The following DNAH7 variants were observed in gnomAD, a reference collection of about 807,000 sequenced individuals.
DNAH7 encodes the protein axonemal beta dynein heavy chain 7.
A neutral mutation model predicts 444.6 loss-of-function variants in DNAH7; 397 were observed. The observed-to-expected ratio is 0.89, with a 90% CI of 0.82 to 0.97. The LOEUF (loss-of-function observed/expected upper bound fraction) is 0.97. Among genes scored for constraint, DNAH7 ranks in the 50% least tolerant of loss-of-function variants. The pLI is 0.00. For synonymous variants in DNAH7, 1,636 were observed against 1,624.4 expected, an observed-to-expected ratio of 1.01 and a Z score of -0.17; for missense variants, 4,902 against 4,800.8, an observed-to-expected ratio of 1.02 and a Z score of -0.62.
chr2:195,827,980 G>C (rs1697862762), intron 48 of DNAH7, among the ~76,000 whole-genome samples: 1 of 152,056 alleles, frequency 6.6e-6, no homozygotes, highest in Non-Finnish European at 1.5e-5. Context: ...TATATAATTG[G>C]TACTTGATAT....
chr2:195,760,576 A>G (rs1470581356), intron 61 of DNAH7, among the ~76,000 whole-genome samples: 1 of 152,078 alleles, frequency 6.6e-6, no homozygotes. Context: ...CTCAGCAGAG[A>G]GAGAGAGAGT....
At chr2:195,954,179 C>G (rs530386505) in intron 19 of DNAH7, among the ~76,000 whole-genome samples, 2 of 147,916 alleles carry the variant, frequency 1.4e-5, no homozygotes, top group African/African-American at 5.3e-5. Context: ...CCTCCCCACT[C>G]TCCCCACCCC....
rs532725644 is a variant in DNAH7, at chr2:195,961,943, G to A, written c.2206-998C>T. Among the ~76,000 whole-genome samples the A allele has an allele frequency of 4.6e-5, 7 of 152,148 alleles. No individual in the cohort carries two copies. In the South Asian group the frequency reaches 1.0e-3, roughly 23 times the overall value. On this transcript the variant is annotated intron_variant, in intron 17 of 64. Transcript: ENST00000312428. ...AAAGCAATAGAAAAGACATCTCAGCGAAATAAATTTAAAATGAATAAAATA... is the reference window on the plus strand; with the variant it reads ...AAAGCAATAGAAAAGACATCTCAGCAAAATAAATTTAAAATGAATAAAATA...
intron 1 of DNAH7, among the ~76,000 whole-genome samples, chr2:196,061,196 T>C (rs1698113605): frequency 6.6e-6 from 1 of 152,176 alleles, no homozygotes; most frequent in Non-Finnish European, 1.5e-5. Flanking sequence ...TTATTTCTCC[T>C]GTTCCTTCTC....
intron 19 of DNAH7, among the ~76,000 whole-genome samples, chr2:195,952,555 C>T (rs1690338495): frequency 6.6e-6 from 1 of 152,170 alleles, no homozygotes; most frequent in Admixed American, 6.5e-5. Flanking sequence ...CCGTCAATTT[C>T]AGGTACACCA....
chr2:195,980,464 CA>C (rs546656453), intron 15 of DNAH7, among the ~76,000 whole-genome samples: 322 of 152,070 alleles, frequency 2.1e-3, no homozygotes, highest in African/African-American at 7.6e-3. Flanking sequence ...AGCATGAGAA[CA>C]AACTAATGCA....
intron 1 of DNAH7, among the ~76,000 whole-genome samples, chr2:196,061,786 C>T (rs1286815421): frequency 6.6e-6 from 1 of 152,142 alleles, no homozygotes; most frequent in African/African-American, 2.4e-5. Flanking sequence ...CTTATTATAT[C>T]ATGTGTCCAT....
At chr2:196,064,493 T>G (rs1277211746) in intron 1 of DNAH7, among the ~76,000 whole-genome samples, 1 of 152,142 alleles carries the variant, frequency 6.6e-6, no homozygotes, top group Admixed American at 6.5e-5. Flanking sequence ...TTATTCTCTT[T>G]AAAATTAGGA....
At chr2:195,806,502 C>G (rs930667037) in intron 54 of DNAH7, among the ~76,000 whole-genome samples, 3 of 152,050 alleles carry the variant, frequency 2.0e-5, no homozygotes, top group Admixed American at 6.6e-5. Context: ...AAATTAAAAA[C>G]AAATAATCAC....
intron 15 of DNAH7, among the ~76,000 whole-genome samples, chr2:195,972,895 C>G (rs949359537): frequency 3.9e-5 from 6 of 152,194 alleles, no homozygotes; most frequent in African/African-American, 1.4e-4. Flanking sequence ...TGGGGAGTCT[C>G]TTTTACCCAA....
At chr2:195,894,017 A>G (rs1448534530) in intron 30 of DNAH7, 1 of 152,174 alleles carries the variant, frequency 6.6e-6, no homozygotes, top group Non-Finnish European at 1.5e-5. Flanking sequence ...AAGTGAAAAA[A>G]TGGAAGAAAA....
chr2:195,861,643 A>T (rs766831795), intron 42 of DNAH7, 74 bp downstream of exon 42: 11 of 949,794 alleles, frequency 1.2e-5, no homozygotes, highest in African/African-American at 1.7e-5. Flanking sequence ...TCCATTATAT[A>T]TTATGTCGTT....
intron 24 of DNAH7, among the ~76,000 whole-genome samples, chr2:195,918,463 C>A (rs1023328746): frequency 6.6e-6 from 1 of 152,220 alleles, no homozygotes; most frequent in Non-Finnish European, 1.5e-5. Flanking sequence ...CACCCAAAAA[C>A]CTGCACAAGA....
At chr2:195,992,333 G>A (rs756426445) in intron 12 of DNAH7, among the ~76,000 whole-genome samples, 1 of 152,156 alleles carries the variant, frequency 6.6e-6, no homozygotes, top group Non-Finnish European at 1.5e-5. Flanking sequence ...GAGACCACAG[G>A]TGGAAGCTGA....
At chr2:196,013,000 T>C (rs1694810725) in intron 9 of DNAH7, 94 bp from the exon 10 acceptor site, 1 of 887,538 alleles carries the variant, frequency 1.1e-6, no homozygotes, top group African/African-American at 1.8e-5. Context: ...ATCATATTCC[T>C]AGGTTTAATC....
chr2:195,926,340 T>G (rs959209697), intron 22 of DNAH7, 86 bp downstream of exon 22: 11 of 1,186,148 alleles, frequency 9.3e-6, no homozygotes, highest in African/African-American at 6.4e-5. Flanking sequence ...GAACTGTATT[T>G]ATTTTAGTTT....
At chr2:195,750,772 G>C (rs750278952) in intron 63 of DNAH7, among the ~76,000 whole-genome samples, 7 of 152,142 alleles carry the variant, frequency 4.6e-5, no homozygotes, top group Non-Finnish European at 7.3e-5. Context: ...TAATGGACTG[G>C]GCAGCCCAGC....
chr2:196,060,008 G>A (rs1367616058), intron 1 of DNAH7, among the ~76,000 whole-genome samples: 1 of 152,160 alleles, frequency 6.6e-6, no homozygotes, highest in African/African-American at 2.4e-5. Flanking sequence ...GAGGTCAGGA[G>A]ATCGAAACCA....
chr2:195,861,754 T>C lies in DNAH7; in HGVS notation c.7699A>G (p.Ile2567Val). The change falls in exon 42 of 65, where the codon ATC (isoleucine) becomes GTC (valine). Residue 2567 changes from isoleucine (I) to valine (V), a missense_variant. Ile to Val is a conservative substitution (Grantham distance 29). Coordinates refer to ENST00000312428, the MANE Select transcript of DNAH7 (RefSeq NM_018897.3). ...YVTPTSYLEL[I>V]STFKLLLEKK... ...TCTAACAACAGTTTGAAGGTGGAGA[T>C]TAATTCGAGGTAAGAGGTAGGAGTC... is the stretch of plus-strand genomic sequence containing the variant. The C allele has an allele frequency of 6.2e-7, 1 of 1,613,332 alleles. No individual in the cohort carries two copies.
Sources: allele counts gnomAD v4.1 joint callset (sites outside exome capture counted in the v4.1 genomes callset), GRCh38; gene constraint gnomAD v4.1.1; transcripts MANE v1.5; gene names NCBI Gene and HGNC (gene_info 2026-07-23, HGNC 2026-07-21).